Variants in TIMP2 observed in about 807,000 individuals in gnomAD.
TIMP2 encodes TIMP metallopeptidase inhibitor 2, also known as metalloproteinase inhibitor 2.
TIMP2 carries 5 observed loss-of-function variants against 24.3 expected under a neutral mutation model. That is an observed-to-expected ratio of 0.21 (90% CI 0.11 to 0.43). The LOEUF is 0.43. TIMP2 is among the 20% of genes least tolerant of loss of function. The pLI, the probability that TIMP2 is intolerant of heterozygous loss-of-function variation, is 1.00. For synonymous variants in TIMP2, 130 were observed against 123.2 expected (o/e 1.06, Z -0.37); for missense variants, 221 against 297.5 (o/e 0.74, Z 1.89).
rs1350089288 is a variant in TIMP2, at chr17:78,854,243, C to G, written c.*1424G>C. The G allele has an allele frequency of 6.6e-6, 1 of 151,916 alleles. No individual in the cohort carries two copies. Among genetic ancestry groups the G allele is most frequent in the Admixed American group, 6.6e-5 (1 of 15,240 alleles). The allele number at this position is 151,916 out of a possible 1,614,324, so 9.4% of individuals were successfully genotyped here. A position where few individuals can be genotyped will look rare whatever the true frequency, so the allele number is the denominator to read the frequency against. On this transcript the variant is annotated 3_prime_UTR_variant, in exon 5 of 5. Coordinates refer to ENST00000262768, the MANE Select transcript of TIMP2 (RefSeq NM_003255.5). The stretch of plus-strand genomic sequence containing the variant: ...CCTGTATATCGTCAGTTTATCTTTA[C>G]AACACAGGTGGGAGGAAACAAGAGA...
At chr17:78,876,478 G>C (rs1417219398) in intron 1 of TIMP2, among the ~76,000 whole-genome samples, 1 of 152,058 alleles carries the variant, frequency 6.6e-6, no homozygotes, top group Non-Finnish European at 1.5e-5. Context: ...TTCCCAGGTA[G>C]CTGGGATTAC....
At chr17:78,883,454 A>G (rs1400254675) in intron 1 of TIMP2, among the ~76,000 whole-genome samples, 4 of 152,162 alleles carry the variant, frequency 2.6e-5, no homozygotes, top group African/African-American at 9.7e-5. Context: ...CTGGAATGAC[A>G]ACTACTCAGA....
At chr17:78,864,666 G>A (rs2069594532) in intron 3 of TIMP2, among the ~76,000 whole-genome samples, 2 of 152,132 alleles carry the variant, frequency 1.3e-5, no homozygotes, top group Non-Finnish European at 2.9e-5. Context: ...AAAGTTAATG[G>A]AAATGTTAAC....
In TIMP2 at chr17:78,870,960, G is replaced by A. The variant is rs372752139; in HGVS notation, c.278C>T (p.Pro93Leu). Residue 93 changes from proline (P) to leucine (L), a missense_variant, in exon 3 of 5, where the codon CCC becomes CTC. Transcript: ENST00000262768. The part of the protein sequence containing the change: ...EKDIEFIYTA[P>L]SSAVCGVSLD... ...CGAGACCCCACACACTGCCGAGGAG[G>A]GGGCCGTGTAGATAAACTCTATATC... 6.2e-7 allele frequency: 1 copy of A among 1,613,866 alleles called. No homozygotes were observed. Among genetic ancestry groups the A allele is most frequent in the African/African-American group, 1.3e-5 (1 of 75,050 alleles).
At chr17:78,918,062 ACAAAC>A (rs2070275917) in intron 1 of TIMP2, among the ~76,000 whole-genome samples, 1 of 58,576 alleles carries the variant, frequency 1.7e-5, no homozygotes, top group Non-Finnish European at 3.5e-5. Context: ...GCGTGCACAC[ACAAAC>A]ACACACACAC....
intron 1 of TIMP2, among the ~76,000 whole-genome samples, chr17:78,911,491 C>T (rs2070206896): frequency 6.6e-6 from 1 of 152,040 alleles, no homozygotes; most frequent in African/African-American, 2.4e-5. Flanking sequence ...AGTGCAGTGG[C>T]GTGATCTCAG....
Position 78,891,229 on chromosome 17 carries a change from C to T in TIMP2, c.131-17310G>A, listed in dbSNP as rs764827555. On this transcript the variant is annotated intron_variant, in intron 1 of 4. Coordinates refer to ENST00000262768, the MANE Select transcript of TIMP2 (RefSeq NM_003255.5). The surrounding 1 kb of genome is among the most constrained non-coding windows in gnomAD (Gnocchi z 4.5). ...TTTGGTTCTGGGCCTTGCCCATGAA[C>T]GTTTTCAAGTCGGTCTTGGACGCTG... 5.2e-6 allele frequency: 8 copies of T among 1,550,550 alleles called. No homozygotes were observed. The highest frequency in any genetic ancestry group is 2.4e-5 in the East Asian group (1 of 40,932).
At position 78,863,035 on chromosome 17, in the gene TIMP2, C is replaced by T. The variant is rs140733543; in HGVS notation, c.341-5389G>A. ...GGTAATGAACATACGGGCGCAGTGC[C>T]GTTGAACGATTTATTTTCCTTTGGG... On this transcript the variant is annotated intron_variant, in intron 3 of 4. Transcript: ENST00000262768. Among the ~76,000 whole-genome samples the T allele has an allele frequency of 3.0e-3, 456 of 152,260 alleles. 3 individuals are homozygous for T. The highest frequency in any genetic ancestry group is 0.01 in the African/African-American group (427 of 41,564).
At position 78,884,119 on chromosome 17, in the gene TIMP2, G is replaced by C. The variant is rs532865627; in HGVS notation, c.131-10200C>G. ...AGCCAGAGCCGGAGCAGGGACAGGA[G>C]CAGGACCGTGCAGGGCAGGAGGCAG... On this transcript the variant is annotated intron_variant, in intron 1 of 4. Transcript: ENST00000262768. 4.6e-5 allele frequency among the ~76,000 whole-genome samples: 7 copies of C among 152,340 alleles called. No individual in the cohort carries two copies. The South Asian group carries it at 1.4e-3, about 32-fold the overall frequency.
intron 3 of TIMP2, among the ~76,000 whole-genome samples, chr17:78,858,370 G>A (rs371102494): frequency 6.6e-6 from 1 of 152,128 alleles, no homozygotes; most frequent in East Asian, 1.9e-4. Flanking sequence ...GTGAACCCGG[G>A]AGGCGGAGGT....
At chr17:78,868,907 G>A (rs113125993) in intron 3 of TIMP2, among the ~76,000 whole-genome samples, 2 of 152,140 alleles carry the variant, frequency 1.3e-5, no homozygotes, top group African/African-American at 4.8e-5. Flanking sequence ...CAGAGACCCC[G>A]CGACTGGAGC....
chr17:78,901,768 A>C, intron 1 of TIMP2: 1 of 717,286 alleles, frequency 1.4e-6, no homozygotes, highest in Non-Finnish European at 2.6e-6. Context: ...TGCTTGGGGA[A>C]GAGGGGTGGT....
chr17:78,920,510 C>T lies in TIMP2; in HGVS notation c.130+4449G>A, dbSNP rs2070301184. 6.6e-6 allele frequency among the ~76,000 whole-genome samples: 1 copy of T among 152,150 alleles called. No individual in the cohort carries two copies. The highest frequency in any genetic ancestry group is 6.5e-5 in the Admixed American group (1 of 15,270). Reference sequence around the variant, plus strand: ...CAGCTCTCCCTGCTCTTCCAGTCCCCCTGCCTTGGGAGCTGCCAGTAATTC... The same window carrying T: ...CAGCTCTCCCTGCTCTTCCAGTCCCTCTGCCTTGGGAGCTGCCAGTAATTC... On this transcript the variant is annotated intron_variant, in intron 1 of 4. Coordinates refer to ENST00000262768, the MANE Select transcript of TIMP2 (RefSeq NM_003255.5). The surrounding 1 kb of genome is among the most constrained non-coding windows in gnomAD (Gnocchi z 4.5).
At chr17:78,883,236 G>T (rs1440465950) in intron 1 of TIMP2, among the ~76,000 whole-genome samples, 1 of 152,218 alleles carries the variant, frequency 6.6e-6, no homozygotes, top group Non-Finnish European at 1.5e-5. Context: ...TCCGTCCCCA[G>T]TTGAGGGTGT....
At chr17:78,870,629 C>T (rs2277700) in intron 3 of TIMP2, among the ~76,000 whole-genome samples, 117,354 of 152,006 alleles carry the variant, frequency 0.77, 45,671 homozygotes, top group Admixed American at 0.82. Context: ...TCCAGCATCC[C>T]GCACTCGCCT....
intron 1 of TIMP2, among the ~76,000 whole-genome samples, chr17:78,917,297 G>T (rs6501270): frequency 1.4e-5 from 2 of 146,946 alleles, no homozygotes. Context: ...GGGCATGGCA[G>T]CACACACCTG....
intron 1 of TIMP2, chr17:78,890,441 A>G: frequency 1.8e-6 from 1 of 550,976 alleles, no homozygotes; most frequent in Non-Finnish European, 3.1e-6. Flanking sequence ...ACCTCAGGTG[A>G]TCCTGAGGCC....
At chr17:78,901,849 C>T in intron 1 of TIMP2, 3 of 705,362 alleles carry the variant, frequency 4.3e-6, no homozygotes, top group Non-Finnish European at 7.9e-6. Flanking sequence ...CAGAAGCTGA[C>T]AGGAGGGCAG....
At chr17:78,893,849 G>A (rs928927489) in intron 1 of TIMP2, among the ~76,000 whole-genome samples, 41 of 152,226 alleles carry the variant, frequency 2.7e-4, no homozygotes, top group African/African-American at 8.7e-4. Context: ...CCTAGGAAAG[G>A]AGGGGCATTT....
Sources: allele counts gnomAD v4.1 joint callset (sites outside exome capture counted in the v4.1 genomes callset), GRCh38; gene constraint gnomAD v4.1.1; non-coding constraint Gnocchi (gnomAD v3.1); transcripts MANE v1.5; gene names NCBI Gene and HGNC (gene_info 2026-07-23, HGNC 2026-07-21).